The following MDGA2 variants were observed in gnomAD, a reference collection of about 807,000 sequenced individuals.
MDGA2 encodes MAM domain containing glycosylphosphatidylinositol anchor 2.
MDGA2 carries 40 observed loss-of-function variants against 117.8 expected under a neutral mutation model. That is an observed-to-expected ratio of 0.34 (90% CI 0.26 to 0.44). The LOEUF (loss-of-function observed/expected upper bound fraction) is 0.44. Among genes scored for constraint, MDGA2 ranks in the 20% least tolerant of loss-of-function variants. The probability of loss-of-function intolerance (pLI) is 1.00; values close to 1 mark genes in which losing one functional copy is unlikely to be tolerated. For missense variants in MDGA2, 1,123 were observed against 1,250.6 expected (o/e 0.90, Z 1.54); for synonymous variants, 452 against 439.0 (o/e 1.03, Z -0.37).
chr14:47,507,741 A>G (rs1894545599), intron 1 of MDGA2, among the ~76,000 whole-genome samples: 1 of 152,230 alleles, frequency 6.6e-6, no homozygotes, highest in South Asian at 2.1e-4. Flanking sequence ...TCTTATCTTC[A>G]GTGTCAGAAC....
intron 1 of MDGA2, among the ~76,000 whole-genome samples, chr14:47,326,696 C>CAA (rs1395571491): frequency 1.3e-5 from 2 of 151,592 alleles, no homozygotes; most frequent in African/African-American, 4.8e-5. Flanking sequence ...TACACACACA[C>CAA]ACACACACAC....
intron 5 of MDGA2, among the ~76,000 whole-genome samples, chr14:47,101,333 G>T (rs1594621159): frequency 6.6e-6 from 1 of 152,092 alleles, no homozygotes; most frequent in African/African-American, 2.4e-5. Context: ...TTGAGAAAAA[G>T]GAATTCTTCC....
intron 1 of MDGA2, among the ~76,000 whole-genome samples, chr14:47,499,173 T>A (rs1025177025): frequency 3.9e-5 from 6 of 152,124 alleles, no homozygotes; most frequent in African/African-American, 1.4e-4. Flanking sequence ...TAGTCCATAA[T>A]ATAATATAAT....
At chr14:46,910,479 T>C (rs2138479023) in intron 10 of MDGA2, among the ~76,000 whole-genome samples, 1 of 152,216 alleles carries the variant, frequency 6.6e-6, no homozygotes, top group African/African-American at 2.4e-5. Flanking sequence ...TGGTCCTTCA[T>C]GCCTCAAAAT....
At chr14:47,359,440 A>G (rs1016241122) in intron 1 of MDGA2, among the ~76,000 whole-genome samples, 5 of 152,158 alleles carry the variant, frequency 3.3e-5, no homozygotes, top group Non-Finnish European at 5.9e-5. Flanking sequence ...TGCCATAAAA[A>G]CCAACACACA....
intron 3 of MDGA2, among the ~76,000 whole-genome samples, chr14:47,196,079 CTT>C (rs1365123805): frequency 1.3e-5 from 2 of 151,916 alleles, no homozygotes; most frequent in African/African-American, 2.4e-5. Flanking sequence ...TATGTAATGA[CTT>C]TGTAATCTAC....
chr14:47,526,236 T>C (rs1016313420), intron 1 of MDGA2, among the ~76,000 whole-genome samples: 8 of 152,218 alleles, frequency 5.3e-5, no homozygotes, highest in Non-Finnish European at 1.0e-4. Context: ...TGTGGTCATC[T>C]GAACCTGTTT....
At chr14:47,040,363 A>C (rs9323125) in intron 7 of MDGA2, among the ~76,000 whole-genome samples, 1 of 152,042 alleles carries the variant, frequency 6.6e-6, no homozygotes, top group Non-Finnish European at 1.5e-5. Context: ...TTTTTTACTG[A>C]TTAAACAATA....
At chr14:47,329,105 T>C (rs1319437827) in intron 1 of MDGA2, among the ~76,000 whole-genome samples, 1 of 152,008 alleles carries the variant, frequency 6.6e-6, no homozygotes, top group Non-Finnish European at 1.5e-5. Context: ...AATATATACA[T>C]ATATATAGTA....
At chr14:47,286,914 C>A (rs1888707855) in intron 2 of MDGA2, among the ~76,000 whole-genome samples, 1 of 149,662 alleles carries the variant, frequency 6.7e-6, no homozygotes, top group Non-Finnish European at 1.5e-5. Context: ...ATTTGTAGTT[C>A]ACTGAAAGAC....
intron 1 of MDGA2, among the ~76,000 whole-genome samples, chr14:47,404,591 C>A (rs148057290): frequency 1.2e-4 from 18 of 152,230 alleles, no homozygotes; most frequent in South Asian, 2.1e-4. Context: ...AACTCCTGGG[C>A]TCCAGTGATT....
intron 1 of MDGA2, among the ~76,000 whole-genome samples, chr14:47,340,608 T>C (rs1353640936): frequency 1.3e-5 from 2 of 152,126 alleles, no homozygotes; most frequent in African/African-American, 4.8e-5. Context: ...TTCAAAATTG[T>C]CTTAAAAATT....
intron 1 of MDGA2, among the ~76,000 whole-genome samples, chr14:47,376,831 G>C (rs530813332): frequency 6.6e-6 from 1 of 152,242 alleles, no homozygotes; most frequent in Non-Finnish European, 1.5e-5. Context: ...ATAGCCTTGA[G>C]GGGTTTCAAA....
intron 8 of MDGA2, among the ~76,000 whole-genome samples, chr14:47,023,198 T>TAAAAAAAAAAAAAAAAGAAAAAAAAAAAA (rs1888352254): frequency 9.7e-6 from 1 of 102,866 alleles, no homozygotes; most frequent in Non-Finnish European, 2.0e-5. Context: ...TTCCCACTCG[T>TAAAAAAAAAAAAAAAAGAAAAAAAAAAAA]AAAAAAAAAA....
intron 2 of MDGA2, among the ~76,000 whole-genome samples, chr14:47,285,010 T>A (rs763197479): frequency 6.6e-6 from 1 of 152,188 alleles, no homozygotes; most frequent in South Asian, 2.1e-4. Context: ...ATCACAATAT[T>A]GGAACATTTA....
At chr14:46,945,944 T>A (rs1006174216) in intron 9 of MDGA2, among the ~76,000 whole-genome samples, 7 of 151,950 alleles carry the variant, frequency 4.6e-5, no homozygotes, top group African/African-American at 1.7e-4. Flanking sequence ...AAGACATGAG[T>A]TGTATAATGC....
At chr14:47,158,505 G>C (rs943403183) in intron 3 of MDGA2, among the ~76,000 whole-genome samples, 1 of 148,966 alleles carries the variant, frequency 6.7e-6, no homozygotes, top group Non-Finnish European at 1.5e-5. Context: ...TTCTGAGATG[G>C]AGTCTAACTC....
rs35698427 is a variant in MDGA2 at position 47,294,103 on chromosome 14, CTT to C, written c.420+7306_420+7307del. On this transcript the variant is annotated intron_variant, in intron 2 of 16. Coordinates refer to ENST00000399232, the MANE Select transcript of MDGA2 (RefSeq NM_001113498.3). Reference sequence around the variant, plus strand: ...TGAAAGCAGCCATTGATATGGCAATCTTTTTTTTTTTTTTTTTTTTTTTGAGA... The same window carrying C: ...TGAAAGCAGCCATTGATATGGCAATCTTTTTTTTTTTTTTTTTTTTTGAGA... 6.1e-3 allele frequency among the ~76,000 whole-genome samples: 601 copies of C among 99,142 alleles called. 1 individual carries two copies. Among genetic ancestry groups the C allele is most frequent in the African/African-American group, 0.022 (524 of 24,258 alleles). The allele number at this position is 99,142 out of a possible 152,430, so 65.0% of individuals were successfully genotyped here. A position where few individuals can be genotyped will look rare whatever the true frequency, so the allele number is the denominator to read the frequency against.
rs569063445 is a variant in MDGA2 at position 47,241,333 on chromosome 14, T to C, written c.421-23138A>G. On this transcript the variant is annotated intron_variant, in intron 2 of 16. Coordinates refer to ENST00000399232, the MANE Select transcript of MDGA2 (RefSeq NM_001113498.3). The stretch of plus-strand genomic sequence containing the variant: ...CTCTCCTTCAGGCTCCATGCACTTT[T>C]AGATAAACATCCAAACATCCTCATA... Among the ~76,000 whole-genome samples, 31 of 152,002 alleles carry C rather than the reference T, an allele frequency of 2.0e-4. No individual in the cohort carries two copies. In the East Asian group the frequency reaches 4.6e-3, roughly 23 times the overall value.
Sources: allele counts gnomAD v4.1 joint callset (sites outside exome capture counted in the v4.1 genomes callset), GRCh38; gene constraint gnomAD v4.1.1; transcripts MANE v1.5; gene names NCBI Gene and HGNC (gene_info 2026-07-23, HGNC 2026-07-21).